The following ELAVL2 variants were observed in gnomAD, a reference collection of about 807,000 sequenced individuals.
ELAVL2 encodes the protein ELAV like RNA binding protein 2, also known as ELAV-like protein 2.
ELAVL2 carries 4 observed loss-of-function variants against 34.6 expected under a neutral mutation model. That is an observed-to-expected ratio of 0.12 (90% CI 0.06 to 0.26). The LOEUF (loss-of-function observed/expected upper bound fraction) is 0.26, where lower values mean the gene tolerates loss of function less well. Ranked by LOEUF, ELAVL2 falls within the 10% of genes least tolerant of loss-of-function variation. The probability of loss-of-function intolerance (pLI) is 1.00; values close to 1 mark genes in which losing one functional copy is unlikely to be tolerated. For missense variants in ELAVL2, 432 were observed against 442.8 expected (o/e 0.98, Z 0.22); for synonymous variants, 193 against 154.8 (o/e 1.25, Z -1.83).
chr9:23,808,953 G>A (rs1043687306), intron 1 of ELAVL2, among the ~76,000 whole-genome samples: 17 of 152,088 alleles, frequency 1.1e-4, no homozygotes, highest in Non-Finnish European at 1.8e-4. Flanking sequence ...GGTAGTCTTC[G>A]CCAAATTTAA....
rs530904343 is a variant in ELAVL2, at chr9:23,771,359, A to T, written c.-15-9110T>A. Among the ~76,000 whole-genome samples the T allele has an allele frequency of 2.0e-5, 3 of 152,310 alleles. No individual in the cohort carries two copies. In the South Asian group the frequency reaches 6.2e-4, roughly 32 times the overall value. On this transcript the variant is annotated intron_variant, in intron 1 of 6. Transcript: ENST00000397312. ...CTATGCTCTGGACACTAAGAACACA[A>T]GATGAATAAGCAAAGGAAGAGATTT...
intron 2 of ELAVL2, among the ~76,000 whole-genome samples, chr9:23,759,699 A>G (rs768522374): frequency 1.4e-5 from 2 of 146,054 alleles, no homozygotes; most frequent in East Asian, 2.0e-4. Context: ...ATACAAATAT[A>G]TACTATATAT....
intron 3 of ELAVL2, among the ~76,000 whole-genome samples, chr9:23,712,002 T>C (rs1469501773): frequency 6.6e-6 from 1 of 152,132 alleles, no homozygotes; most frequent in Non-Finnish European, 1.5e-5. Context: ...AAAAATGAAA[T>C]TTCATTTCTC....
At chr9:23,816,880 C>T (rs779296956) in intron 1 of ELAVL2, among the ~76,000 whole-genome samples, 5 of 151,956 alleles carry the variant, frequency 3.3e-5, no homozygotes, top group Non-Finnish European at 2.9e-5. Context: ...GTAGGTTAGG[C>T]GTATTAAATA....
intron 1 of ELAVL2, among the ~76,000 whole-genome samples, chr9:23,790,803 G>A (rs1728256): frequency 0.21 from 31,281 of 151,942 alleles, 4,819 homozygotes; most frequent in African/African-American, 0.41. Flanking sequence ...TGCTCTGGAC[G>A]AGCACACAGA....
At chr9:23,830,674 G>C (rs1222926694), upstream of ELAVL2, among the ~76,000 whole-genome samples, 1 of 142,852 alleles carries the variant, frequency 7.0e-6, no homozygotes, top group Non-Finnish European at 1.5e-5. Context: ...TTCTCCTTTA[G>C]ATGATTTGCC....
chr9:23,786,837 T>G (rs1280789653), intron 1 of ELAVL2, among the ~76,000 whole-genome samples: 1 of 147,764 alleles, frequency 6.8e-6, no homozygotes, highest in African/African-American at 2.5e-5. Context: ...TTTAAAAATC[T>G]AAGCCACTGG....
At position 23,692,573 on chromosome 9, in the gene ELAVL2, T is replaced by G. The variant is rs1474514356; in HGVS notation, c.1064A>C (p.Lys355Thr). 2 of 1,612,568 alleles carry G rather than the reference T, an allele frequency of 1.2e-6. No individual in the cohort carries two copies. The highest frequency in any genetic ancestry group is 1.3e-5 in the African/African-American group (1 of 74,874). Residue 355 changes from lysine (K) to threonine (T), a missense_variant, in exon 7 of 7, where the codon AAA becomes ACA. Around this residue, in one of 3 missense-constraint regions of ELAVL2, gnomAD observed 295 missense variants for 306.1 expected, o/e 0.96. Coordinates refer to ENST00000397312, the MANE Select transcript of ELAVL2 (RefSeq NM_004432.5). The part of the protein sequence containing the change: ...RVLQVSFKTN[K>T]THKA ...AAGAGCTCATTAGGCTTTGTGCGTT[T>G]TGTTTGTCTTAAAGGAGACCTGCAG...
At chr9:23,711,736 T>C (rs1358765962) in intron 3 of ELAVL2, among the ~76,000 whole-genome samples, 2 of 152,194 alleles carry the variant, frequency 1.3e-5, no homozygotes, top group Admixed American at 6.5e-5. Flanking sequence ...AAAATGTACT[T>C]ATCTCTTAAC....
At chr9:23,734,869 G>C (rs1202370931) in intron 2 of ELAVL2, among the ~76,000 whole-genome samples, 1 of 151,646 alleles carries the variant, frequency 6.6e-6, no homozygotes, top group Non-Finnish European at 1.5e-5. Context: ...ATATTCATCA[G>C]TAAGTCATGG....
At chr9:23,706,686 T>C (rs1176005527) in intron 3 of ELAVL2, among the ~76,000 whole-genome samples, 2 of 152,196 alleles carry the variant, frequency 1.3e-5, no homozygotes, top group Non-Finnish European at 2.9e-5. Context: ...GGTAAAGTGA[T>C]AACTACTGCC....
intron 2 of ELAVL2, among the ~76,000 whole-genome samples, chr9:23,748,047 G>T (rs1368521554): frequency 2.6e-5 from 4 of 152,024 alleles, no homozygotes; most frequent in Non-Finnish European, 5.9e-5. Context: ...GGTTGCTTCA[G>T]AAAGATATTT....
At chr9:23,845,405 G>C in the ELAVL2 span, among the ~76,000 whole-genome samples, 1 of 151,574 alleles carries the variant, frequency 6.6e-6, no homozygotes, top group African/African-American at 2.4e-5. Context: ...CATTTTATTA[G>C]CTACTAAAAA....
At chr9:23,798,466 T>A (rs2061221491) in intron 1 of ELAVL2, among the ~76,000 whole-genome samples, 1 of 152,202 alleles carries the variant, frequency 6.6e-6, no homozygotes, top group Admixed American at 6.5e-5. Context: ...TTATACCACC[T>A]ACATCTCAGA....
At chr9:23,699,933 C>G (rs2036615712) in intron 5 of ELAVL2, among the ~76,000 whole-genome samples, 1 of 147,290 alleles carries the variant, frequency 6.8e-6, no homozygotes. Flanking sequence ...TCTCCCACGG[C>G]AAAGGCCAAC....
intron 2 of ELAVL2, among the ~76,000 whole-genome samples, chr9:23,732,526 T>G (rs565537272): frequency 9.2e-5 from 14 of 152,380 alleles, no homozygotes; most frequent in Non-Finnish European, 1.6e-4. Flanking sequence ...AAGAGTCACA[T>G]GTGAAGCCAC....
In ELAVL2 at chr9:23,704,976, C is replaced by A; in HGVS notation, c.429G>T (p.Gln143His). Residue 143 changes from glutamine to histidine, a missense_variant, in exon 4 of 7, where the codon CAG becomes CAT. By Grantham distance (24) the Gln-to-His change is conservative (BLOSUM62 0). Around this residue, in one of 3 missense-constraint regions of ELAVL2, gnomAD observed 295 missense variants for 306.1 expected, o/e 0.96. Coordinates refer to ENST00000397312, the MANE Select transcript of ELAVL2 (RefSeq NM_004432.5). ...PKTMTQKELE[Q>H]LFSQYGRIIT... is the part of the protein sequence containing the mutation. ...TAATGCGTCCATATTGTGAAAAAAG[C>A]TGTTCCAACTCCTTCTGGGTCATTG... The A allele has an allele frequency of 6.2e-7, 1 of 1,614,120 alleles. No individual in the cohort carries two copies. Among genetic ancestry groups the A allele is most frequent in the Non-Finnish European group, 8.5e-7 (1 of 1,180,004 alleles).
rs570083354 is a variant in ELAVL2, at chr9:23,808,555, G to A, written c.-16+17251C>T. 5.3e-5 allele frequency among the ~76,000 whole-genome samples: 8 copies of A among 152,088 alleles called. No individual in the cohort carries two copies. The South Asian group carries it at 1.7e-3, about 32-fold the overall frequency. ...CTGAATAGAAGGACAATCAAAAAGA[G>A]CAAAATGCCATTCATGTCAGGAGGC... is the stretch of plus-strand genomic sequence containing the variant. On this transcript the variant is annotated intron_variant, in intron 1 of 6. Coordinates refer to ENST00000397312, the MANE Select transcript of ELAVL2 (RefSeq NM_004432.5).
At chr9:23,791,702 T>G (rs1488206923) in intron 1 of ELAVL2, among the ~76,000 whole-genome samples, 2 of 152,054 alleles carry the variant, frequency 1.3e-5, no homozygotes, top group African/African-American at 2.4e-5. Context: ...ATACCCAGAG[T>G]AAAAGCTAAG....
Sources: allele counts gnomAD v4.1 joint callset (sites outside exome capture counted in the v4.1 genomes callset), GRCh38; gene constraint gnomAD v4.1.1; regional missense constraint gnomAD v4.1.1; transcripts MANE v1.5; gene names NCBI Gene and HGNC (gene_info 2026-07-23, HGNC 2026-07-21).